Variants in CLGN observed in about 807,000 individuals in gnomAD.
The protein encoded by CLGN is calmegin, also known as testis tissue sperm-binding protein Li 79P.
CLGN carries 62 observed loss-of-function variants against 79.1 expected under a neutral mutation model. The observed-to-expected ratio is 0.78, with a 90% CI of 0.64 to 0.97. The LOEUF (loss-of-function observed/expected upper bound fraction) is 0.97, where lower values mean the gene tolerates loss of function less well. CLGN is among the 50% of genes least tolerant of loss of function. The pLI is 0.00. For synonymous variants in CLGN, 225 were observed against 224.7 expected (o/e 1.00, Z -0.01); for missense variants, 647 against 715.5 (o/e 0.90, Z 1.09).
intron 5 of CLGN, among the ~76,000 whole-genome samples, chr4:140,404,156 T>C (rs751745407): frequency 2.6e-5 from 4 of 151,970 alleles, no homozygotes; most frequent in African/African-American, 9.7e-5. Context: ...TGCAGTGGCA[T>C]GATCTCGGCT....
chr4:140,400,418 T>C lies in CLGN; in HGVS notation c.633A>G (p.Lys211=), dbSNP rs1728977366. ...ACTTTTTAAGGTCTACATCTGGAGG[T>C]TTGGCATGTTTCTCTTCGAAAACTC... The part of the protein sequence containing the change: ...KTGVFEEKHA[K]PPDVDLKKFF... The change falls in exon 7 of 15, where the codon AAA becomes AAG. Residue 211 remains lysine, a synonymous_variant. Transcript: ENST00000325617. 2 of 1,613,198 alleles carry C rather than the reference T, an allele frequency of 1.2e-6. No homozygotes were observed. The highest frequency in any genetic ancestry group is 3.3e-5 in the Admixed American group (2 of 59,958).
At chr4:140,421,061 T>G (rs1729460047) in intron 1 of CLGN, among the ~76,000 whole-genome samples, 1 of 152,174 alleles carries the variant, frequency 6.6e-6, no homozygotes, top group Admixed American at 6.5e-5. Flanking sequence ...AGTATTGGTC[T>G]TTCTGTAACT....
chr4:140,415,567 C>G (rs1031233490), intron 1 of CLGN, among the ~76,000 whole-genome samples: 1 of 151,688 alleles, frequency 6.6e-6, no homozygotes, highest in Non-Finnish European at 1.5e-5. Flanking sequence ...TCTGATAAAA[C>G]AGACTTTAAA....
intron 4 of CLGN, among the ~76,000 whole-genome samples, chr4:140,408,480 GA>G (rs1393122103): frequency 1.3e-5 from 2 of 151,706 alleles, no homozygotes; most frequent in East Asian, 3.9e-4. Context: ...AAATCAGCAA[GA>G]AAAAAATTAA....
chr4:140,396,889 A>ATATG (rs761444960), intron 8 of CLGN, among the ~76,000 whole-genome samples: 103 of 60,052 alleles, frequency 1.7e-3, no homozygotes, highest in African/African-American at 6.5e-3. Context: ...ATATATATAT[A>ATATG]TGTATATATA....
At position 140,391,300 on chromosome 4, in the gene CLGN, C is replaced by T. The variant is rs116559760; in HGVS notation, c.1652-572G>A. On this transcript the variant is annotated intron_variant, in intron 13 of 14. Transcript: ENST00000325617. The stretch of plus-strand genomic sequence containing the variant: ...TCTACGTAGTTCCAATGTGGGACTA[C>T]GTGTATAGATGAAAGTGGTGAAAGT... Among the ~76,000 whole-genome samples the T allele has an allele frequency of 2.3e-3, 346 of 151,790 alleles. 1 individual carries two copies. Among genetic ancestry groups the T allele is most frequent in the African/African-American group, 7.9e-3 (327 of 41,508 alleles).
chr4:140,410,492 AC>A (rs1729189411), intron 3 of CLGN, 60 bp downstream of exon 3: 1 of 1,217,030 alleles, frequency 8.2e-7, no homozygotes, highest in African/African-American at 1.5e-5. Context: ...ATAGGCCAAA[AC>A]CTAATAACTT....
Position 140,389,029 on chromosome 4 carries a change from A to G in CLGN, c.*195T>C. 2 of 552,654 alleles carry G rather than the reference A, an allele frequency of 3.6e-6. No homozygotes were observed. Among genetic ancestry groups the G allele is most frequent in the South Asian group, 5.0e-5 (2 of 40,162 alleles). The allele number at this position is 552,654 out of a possible 1,614,324, so 34.2% of individuals were successfully genotyped here. A position where few individuals can be genotyped will look rare whatever the true frequency, so the allele number is the denominator to read the frequency against. On this transcript the variant is annotated 3_prime_UTR_variant, in exon 15 of 15. Coordinates refer to ENST00000325617, the MANE Select transcript of CLGN (RefSeq NM_004362.3). Reference sequence around the variant, plus strand: ...ATATGTAATGTGCCACTTTTATTCTAAATTCAAAGATGAGGTAACTTCAAA... The same window carrying G: ...ATATGTAATGTGCCACTTTTATTCTGAATTCAAAGATGAGGTAACTTCAAA...
At chr4:140,390,524 G>C in intron 14 of CLGN, 104 bp downstream of exon 14, 3 of 660,040 alleles carry the variant, frequency 4.5e-6, no homozygotes, top group Non-Finnish European at 4.9e-6. Context: ...TAAAAGCTGA[G>C]AGAAATATGG....
intron 6 of CLGN, 70 bp downstream of exon 6, chr4:140,401,915 T>C: frequency 1.2e-6 from 1 of 834,430 alleles, no homozygotes; most frequent in Non-Finnish European, 1.9e-6. Context: ...AAATATTCAG[T>C]TTTATCATTT....
At chr4:140,406,287 TAACTA>T (rs1332709923) in intron 4 of CLGN, among the ~76,000 whole-genome samples, 1 of 152,196 alleles carries the variant, frequency 6.6e-6, no homozygotes, top group African/African-American at 2.4e-5. Context: ...TTCATCTTCT[TAACTA>T]AAGTTGTGAA....
rs1258884949 is a variant in CLGN, at chr4:140,401,848, T to C, written c.501+137A>G. 1.1e-5 allele frequency: 6 copies of C among 553,560 alleles called. No individual in the cohort carries two copies. In the Admixed American group the frequency reaches 2.0e-4, roughly 18 times the overall value. The allele number at this position is 553,560 out of a possible 1,614,324, so 34.3% of individuals were successfully genotyped here. A position where few individuals can be genotyped will look rare whatever the true frequency, so the allele number is the denominator to read the frequency against. On this transcript the variant is annotated intron_variant, in intron 6 of 14. Transcript: ENST00000325617. ...ACTTGAAGGCGAATTGTAAGAGCTATGTAAATTCACATTGAAAAAAGATAT... is the reference window on the plus strand; with the variant it reads ...ACTTGAAGGCGAATTGTAAGAGCTACGTAAATTCACATTGAAAAAAGATAT...
intron 13 of CLGN, among the ~76,000 whole-genome samples, chr4:140,390,965 T>C (rs1728760719): frequency 6.6e-6 from 1 of 151,848 alleles, no homozygotes; most frequent in Non-Finnish European, 1.5e-5. Context: ...GCATTCAGTC[T>C]GTATGTAATA....
chr4:140,423,901 T>C (rs1729516543), intron 1 of CLGN, among the ~76,000 whole-genome samples: 1 of 152,196 alleles, frequency 6.6e-6, no homozygotes. Flanking sequence ...TATTTGAGTC[T>C]TCTCTCATTT....
chr4:140,403,319 G>T, intron 5 of CLGN, among the ~76,000 whole-genome samples: 1 of 152,150 alleles, frequency 6.6e-6, no homozygotes, highest in East Asian at 1.9e-4. Context: ...TCAAAGGATT[G>T]TTATGATGAT....
intron 1 of CLGN, 121 bp downstream of exon 1, chr4:140,427,416 C>A (rs1300936786): frequency 6.6e-6 from 1 of 152,458 alleles, no homozygotes; most frequent in Non-Finnish European, 1.5e-5. Flanking sequence ...CCGACCGGTT[C>A]AGCCCTCTGG....
intron 1 of CLGN, among the ~76,000 whole-genome samples, chr4:140,416,675 C>T (rs2126631732): frequency 6.6e-6 from 1 of 151,778 alleles, no homozygotes; most frequent in East Asian, 1.9e-4. Context: ...CTGAATAGAG[C>T]AATAACAGGA....
chr4:140,411,817 G>A (rs1729217987), intron 2 of CLGN, among the ~76,000 whole-genome samples: 1 of 151,948 alleles, frequency 6.6e-6, no homozygotes, highest in African/African-American at 2.4e-5. Flanking sequence ...AACGGGCAGT[G>A]GTGTCACAAG....
chr4:140,418,713 G>A (rs1397247597), intron 1 of CLGN, among the ~76,000 whole-genome samples: 2 of 151,108 alleles, frequency 1.3e-5, no homozygotes, highest in African/African-American at 4.9e-5. Flanking sequence ...ACAGGTGCTG[G>A]AGAGGATGTG....
Sources: gnomAD v4.1 joint callset for allele counts (sites outside exome capture counted in the v4.1 genomes callset) on GRCh38, gnomAD v4.1.1 for gene constraint, MANE v1.5 for transcripts, NCBI Gene and HGNC (gene_info 2026-07-23, HGNC 2026-07-21) for gene names.